Variants in CCDC174 observed in about 807,000 individuals in gnomAD.
CCDC174 encodes the protein coiled-coil domain-containing protein 174.
In CCDC174, 37 loss-of-function variants were observed where a neutral mutation model predicts 57.1. That is an observed-to-expected ratio of 0.65 (90% CI 0.50 to 0.85). CCDC174 has a LOEUF of 0.85. Among genes scored for constraint, CCDC174 ranks in the 40% least tolerant of loss-of-function variants. The probability of loss-of-function intolerance (pLI) is 0.00; values close to 1 mark genes in which losing one functional copy is unlikely to be tolerated. For synonymous variants in CCDC174, 182 were observed against 190.2 expected, an observed-to-expected ratio of 0.96 and a Z score of 0.35; for missense variants, 540 against 574.3, an observed-to-expected ratio of 0.94 and a Z score of 0.61.
intron 4 of CCDC174, 71 bp downstream of exon 4, chr3:14,659,000 T>C: frequency 4.5e-6 from 6 of 1,325,328 alleles, no homozygotes; most frequent in Non-Finnish European, 6.1e-6. Context: ...CATTACTTGT[T>C]AAAATAACTG....
chr3:14,656,852 T>C (rs951271708), intron 3 of CCDC174, among the ~76,000 whole-genome samples: 6 of 152,312 alleles, frequency 3.9e-5, no homozygotes, highest in Middle Eastern at 6.8e-3. Context: ...GTTTCAATGT[T>C]TGGCATGACT....
In CCDC174 at chr3:14,661,582, C is replaced by T. The variant is rs755519098; in HGVS notation, c.360C>T (p.Asp120=). 6.2e-7 allele frequency: 1 copy of T among 1,614,104 alleles called. No individual in the cohort carries two copies. Among genetic ancestry groups the T allele is most frequent in the Non-Finnish European group, 8.5e-7 (1 of 1,179,970 alleles). Residue 120 remains aspartate, a synonymous_variant, in exon 5 of 11, where the codon GAC becomes GAT. Transcript: ENST00000383794. ...YLVDFTQKII[D]KRKEMEASGA... ...TGGATTTCACACAGAAGATCATAGA[C>T]AAGCGCAAAGAAATGGAGGCATCTG...
intron 4 of CCDC174, among the ~76,000 whole-genome samples, chr3:14,659,965 G>C (rs1003340981): frequency 1.1e-4 from 16 of 152,186 alleles, no homozygotes; most frequent in Non-Finnish European, 1.9e-4. Flanking sequence ...GGTACAGTAG[G>C]AGAGAGGCCA....
At chr3:14,666,440 T>C (rs918754791) in intron 6 of CCDC174, among the ~76,000 whole-genome samples, 4 of 151,984 alleles carry the variant, frequency 2.6e-5, no homozygotes, top group African/African-American at 9.7e-5. Flanking sequence ...CTAGCCAACA[T>C]GGTGAAACCC....
chr3:14,670,031 G>A lies in CCDC174; in HGVS notation c.1050G>A (p.Glu350=). The A allele has an allele frequency of 1.2e-6, 2 of 1,611,376 alleles. No homozygotes were observed. The highest frequency in any genetic ancestry group is 1.1e-5 in the South Asian group (1 of 90,432). Residue 350 remains glutamate (E), a synonymous_variant, in exon 10 of 11, where the codon GAG becomes GAA. Coordinates refer to ENST00000383794, the MANE Select transcript of CCDC174 (RefSeq NM_016474.5). ...GCAAAGTAGAAGTCATTGTCCAGGA[G>A]AGGAAGGACACCAAGCCTGGAGTGC... ...QSSKVEVIVQ[E]RKDTKPGVPH...
In CCDC174 at chr3:14,669,978, C is replaced by G. The variant is rs563300050; in HGVS notation, c.997C>G (p.Pro333Ala). ...GPLPPEPEAV[P>A]TPRPAAQSSK... The stretch of plus-strand genomic sequence containing the variant: ...TTTGCCACCGGAGCCAGAGGCTGTG[C>G]CAACCCCACGTCCTGCTGCCCAGAG... The change falls in exon 10 of 11, where the codon CCA becomes GCA. Residue 333 changes from proline (P) to alanine (A), a missense_variant. Physicochemically the swap from Pro to Ala is conservative, Grantham distance 27. Transcript: ENST00000383794. 6.2e-7 allele frequency: 1 copy of G among 1,613,694 alleles called. No homozygotes were observed. Among genetic ancestry groups the G allele is most frequent in the Non-Finnish European group, 8.5e-7 (1 of 1,179,914 alleles).
At chr3:14,659,473 T>C (rs1015870069) in intron 4 of CCDC174, among the ~76,000 whole-genome samples, 1 of 152,156 alleles carries the variant, frequency 6.6e-6, no homozygotes, top group Non-Finnish European at 1.5e-5. Context: ...GATCACCTGA[T>C]GGCAGGAGTT....
At chr3:14,670,819 A>G (rs2031483743) in intron 10 of CCDC174, 77 bp from the exon 11 acceptor site, 1 of 1,226,344 alleles carries the variant, frequency 8.2e-7, no homozygotes, top group Non-Finnish European at 1.1e-6. Context: ...AATATATGAT[A>G]CAATTAGATA....
Position 14,666,861 on chromosome 3 carries a change from T to C in CCDC174, c.638T>C (p.Leu213Pro). Residue 213 changes from leucine (L) to proline (P), a missense_variant, in exon 7 of 11, where the codon CTT (leucine) becomes CCT (proline). Physicochemically the swap from Leu to Pro is moderately conservative, Grantham distance 98 (BLOSUM62 -3). Transcript: ENST00000383794. Reference protein sequence around the residue: ...TLLSEDMRKELQRQQWEEEER... With the variant: ...TLLSEDMRKEPQRQQWEEEER... ...TTATCTGAAGATATGAGAAAAGAACTTCAGCGCCAGCAATGGGAGGAAGAA... is the reference window on the plus strand; with the variant it reads ...TTATCTGAAGATATGAGAAAAGAACCTCAGCGCCAGCAATGGGAGGAAGAA... 1 of 1,605,804 alleles carries C rather than the reference T, an allele frequency of 6.2e-7. No homozygotes were observed. The highest frequency in any genetic ancestry group is 8.5e-7 in the Non-Finnish European group (1 of 1,177,848).
chr3:14,668,283 A>T (rs1303629609), intron 9 of CCDC174, 102 bp downstream of exon 9: 1 of 1,177,562 alleles, frequency 8.5e-7, no homozygotes, highest in Admixed American at 2.4e-5. Context: ...ATTTAGTTTT[A>T]TATTTAAGCA....
At chr3:14,669,882 A>G (rs985855626) in intron 9 of CCDC174, 52 bp from the exon 10 acceptor site, 1 of 1,583,904 alleles carries the variant, frequency 6.3e-7, no homozygotes, top group Non-Finnish European at 8.6e-7. Flanking sequence ...GTATTTTTAA[A>G]AATAGCTTTA....
At chr3:14,660,467 G>A (rs574407598) in intron 4 of CCDC174, among the ~76,000 whole-genome samples, 1 of 152,202 alleles carries the variant, frequency 6.6e-6, no homozygotes, top group Non-Finnish European at 1.5e-5. Context: ...TAGTGCCACT[G>A]CACTCTAGCC....
At position 14,670,189 on chromosome 3, in the gene CCDC174, G is replaced by A. The variant is rs2031466973; in HGVS notation, c.1105+103G>A. 14 of 1,185,686 alleles carry A rather than the reference G, an allele frequency of 1.2e-5. No homozygotes were observed. In the South Asian group the frequency reaches 1.7e-4, roughly 15 times the overall value. The allele number at this position is 1,185,686 out of a possible 1,614,324, so 73.4% of individuals were successfully genotyped here. ...AAGTTTTAACTTCGTGCTGCCTTGT[G>A]TGGTTTTACAGCTTTGGAATGCCAT... is the stretch of plus-strand genomic sequence containing the variant. On this transcript the variant is annotated intron_variant, in intron 10 of 10. Coordinates refer to ENST00000383794, the MANE Select transcript of CCDC174 (RefSeq NM_016474.5).
chr3:14,661,578 T>C lies in CCDC174; in HGVS notation c.356T>C (p.Ile119Thr), dbSNP rs2031138228. The C allele has an allele frequency of 1.2e-6, 2 of 1,614,026 alleles. No individual in the cohort carries two copies. The highest frequency in any genetic ancestry group is 1.3e-5 in the African/African-American group (1 of 74,916). ...MYLVDFTQKIIDKRKEMEASG... is the reference protein window; with the variant it reads ...MYLVDFTQKITDKRKEMEASG... The stretch of plus-strand genomic sequence containing the variant: ...CTTGTGGATTTCACACAGAAGATCA[T>C]AGACAAGCGCAAAGAAATGGAGGCA... The change falls in exon 5 of 11, where the codon ATA (isoleucine) becomes ACA (threonine). Residue 119 changes from isoleucine to threonine, a missense_variant. Coordinates refer to ENST00000383794, the MANE Select transcript of CCDC174 (RefSeq NM_016474.5).
chr3:14,652,898 G>A (rs1045704478), intron 1 of CCDC174, among the ~76,000 whole-genome samples: 2 of 118,882 alleles, frequency 1.7e-5, no homozygotes, highest in South Asian at 3.1e-4. Context: ...GCGAAACTCC[G>A]TCTAAGGGGC....
rs544325635 is a variant in CCDC174, at chr3:14,658,850, C to A, written c.249-21C>A. On this transcript the variant is annotated intron_variant, in intron 3 of 10. Transcript: ENST00000383794. ...AACAGTTATAAGACCATTTCTAATACTTGTATTTTTTTTCTCCTAGGGAAA... is the reference window on the plus strand; with the variant it reads ...AACAGTTATAAGACCATTTCTAATAATTGTATTTTTTTTCTCCTAGGGAAA... The A allele has an allele frequency of 2.6e-6, 4 of 1,540,924 alleles. No individual in the cohort carries two copies. In the East Asian group the frequency reaches 7.0e-5, roughly 27 times the overall value.
At chr3:14,658,991 A>T in intron 4 of CCDC174, 62 bp downstream of exon 4, 1 of 1,360,728 alleles carries the variant, frequency 7.3e-7, no homozygotes, top group Non-Finnish European at 1.0e-6. Flanking sequence ...TTGATATTAC[A>T]TTACTTGTTA....
intron 5 of CCDC174, 71 bp from the exon 6 acceptor site, chr3:14,664,957 A>G: frequency 9.2e-7 from 1 of 1,092,602 alleles, no homozygotes; most frequent in Non-Finnish European, 1.4e-6. Flanking sequence ...TTCACTGTTC[A>G]CCTACTCCCT....
intron 1 of CCDC174, among the ~76,000 whole-genome samples, chr3:14,654,185 C>G (rs548482161): frequency 2.6e-5 from 4 of 152,272 alleles, no homozygotes; most frequent in African/African-American, 9.6e-5. Flanking sequence ...TAAGGAAAGC[C>G]TCGAGTGTTG....
Sources: allele counts gnomAD v4.1 joint callset (sites outside exome capture counted in the v4.1 genomes callset), GRCh38; gene constraint gnomAD v4.1.1; transcripts MANE v1.5; gene names NCBI Gene and HGNC (gene_info 2026-07-23, HGNC 2026-07-21).